Variants in ENTPD5 observed in about 807,000 individuals in gnomAD.
ENTPD5 encodes the protein ectonucleoside triphosphate diphosphohydrolase 5 (inactive).
In ENTPD5, 49 loss-of-function variants were observed where a neutral mutation model predicts 60.2. That is an observed-to-expected ratio of 0.81 (90% CI 0.65 to 1.03). ENTPD5 has a LOEUF of 1.03. Among genes scored for constraint, ENTPD5 ranks in the 50% least tolerant of loss-of-function variants. The pLI is 0.00. For missense variants in ENTPD5, 480 were observed against 507.6 expected, an observed-to-expected ratio of 0.95 and a Z score of 0.52; for synonymous variants, 187 against 185.4, an observed-to-expected ratio of 1.01 and a Z score of -0.07.
At chr14:74,017,396 A>G (rs1161422771) in intron 1 of ENTPD5, among the ~76,000 whole-genome samples, 1 of 151,524 alleles carries the variant, frequency 6.6e-6, no homozygotes, top group African/African-American at 2.4e-5. Context: ...CCTGACCAAC[A>G]TGGAGAAACC....
At position 73,971,904 on chromosome 14, in the gene ENTPD5, A is replaced by C. The variant is rs1399869081; in HGVS notation, c.1032T>G (p.Tyr344Ter). The change falls in exon 14 of 16, where the codon TAT (tyrosine) becomes TAG (stop). Residue 344 changes from tyrosine to a stop codon, truncating the protein, a stop_gained. Coordinates refer to ENST00000334696, the MANE Select transcript of ENTPD5 (RefSeq NM_001249.5). LOFTEE classifies it high-confidence loss of function. ...CAACTTTTAAAATACCCCCCTTTTC[A>C]TAATCTGAAATAAAACAGAAGATTA... Reference protein sequence around the residue: ...DRAVDTDMIDYEKGGILKVED... With the variant: ...DRAVDTDMID 1 of 1,571,550 alleles carries C rather than the reference A, an allele frequency of 6.4e-7. No individual in the cohort carries two copies. Among genetic ancestry groups the C allele is most frequent in the East Asian group, 2.2e-5 (1 of 44,684 alleles).
At chr14:74,004,319 C>A (rs2058604207) in intron 3 of ENTPD5, among the ~76,000 whole-genome samples, 1 of 152,030 alleles carries the variant, frequency 6.6e-6, no homozygotes, top group African/African-American at 2.4e-5. Context: ...AGGCACCCCC[C>A]ACCACACCCG....
chr14:73,995,350 T>TA (rs1367055376), intron 3 of ENTPD5, among the ~76,000 whole-genome samples: 6 of 152,140 alleles, frequency 3.9e-5, no homozygotes, highest in Admixed American at 3.9e-4. Context: ...GGCTGGCCCG[T>TA]AAGCAGGAAT....
intron 3 of ENTPD5, among the ~76,000 whole-genome samples, chr14:74,002,230 A>T (rs968274473): frequency 2.0e-5 from 3 of 152,150 alleles, no homozygotes; most frequent in Admixed American, 2.0e-4. Context: ...TCAAACCCAG[A>T]TGGTTTAATT....
intron 3 of ENTPD5, among the ~76,000 whole-genome samples, chr14:73,992,209 T>C (rs1242157319): frequency 6.6e-6 from 1 of 152,144 alleles, no homozygotes; most frequent in East Asian, 1.9e-4. Flanking sequence ...ATGTAAGTCA[T>C]AGTTTACTGG....
downstream of ENTPD5, chr14:73,959,181 C>G (rs1408302982): frequency 1.2e-6 from 2 of 1,614,232 alleles, no homozygotes. Flanking sequence ...AACAACGTAG[C>G]CTGGCAGAGA....
At chr14:73,962,007 G>C, downstream of ENTPD5, 1 of 1,351,488 alleles carries the variant, frequency 7.4e-7, no homozygotes, top group Non-Finnish European at 1.0e-6. Flanking sequence ...GAGTGCAGTG[G>C]CACAATTTCC....
chr14:73,969,715 T>TAATAAATAAATA lies in ENTPD5; in HGVS notation c.1200+283_1200+294dup, dbSNP rs3081896. Among the ~76,000 whole-genome samples, 995 of 148,914 alleles carry TAATAAATAAATA rather than the reference T, an allele frequency of 6.7e-3. 4 individuals carry two copies. Among genetic ancestry groups the TAATAAATAAATA allele is most frequent in the Non-Finnish European group, 9.6e-3 (645 of 67,252 alleles). On this transcript the variant is annotated intron_variant, in intron 15 of 15. Coordinates refer to ENST00000334696, the MANE Select transcript of ENTPD5 (RefSeq NM_001249.5). ...GCGAGACTCCATCTCAAAAAAATAA[T>TAATAAATAAATA]AATAAATAAATAAATAAATAAATAA...
At chr14:73,994,536 C>A (rs553885068) in intron 3 of ENTPD5, among the ~76,000 whole-genome samples, 1 of 151,846 alleles carries the variant, frequency 6.6e-6, no homozygotes, top group African/African-American at 2.4e-5. Context: ...AGTTCGAAAC[C>A]AGACTGGTCA....
chr14:73,986,479 T>C (rs2057906970), intron 5 of ENTPD5: 2 of 238,956 alleles, frequency 8.4e-6, no homozygotes, highest in African/African-American at 4.5e-5. Flanking sequence ...CATCATACCC[T>C]ACAGAACTTC....
intron 11 of ENTPD5, 104 bp from the exon 12 acceptor site, chr14:73,974,082 G>A (rs1261977124): frequency 4.6e-6 from 4 of 861,636 alleles, no homozygotes; most frequent in African/African-American, 1.7e-5. Flanking sequence ...TGGGGGCTGG[G>A]CCTTAAAATC....
chr14:73,958,444 T>A, downstream of ENTPD5: 2 of 1,487,070 alleles, frequency 1.3e-6, no homozygotes, highest in Non-Finnish European at 9.0e-7. Flanking sequence ...GGTCTCATCG[T>A]AAATCCTGTA....
downstream of ENTPD5, chr14:73,959,156 T>A: frequency 6.2e-7 from 1 of 1,614,176 alleles, no homozygotes; most frequent in Non-Finnish European, 8.5e-7. Flanking sequence ...CTCCTCTCTG[T>A]TGCAGGCCAC....
At chr14:73,962,889 C>A, downstream of ENTPD5, 1 of 1,168,986 alleles carries the variant, frequency 8.6e-7, no homozygotes, top group Non-Finnish European at 1.3e-6. Context: ...GGGAAGAATA[C>A]CTACGTGATT....
intron 9 of ENTPD5, among the ~76,000 whole-genome samples, 154 bp downstream of exon 9, chr14:73,976,170 G>A (rs2057435644): frequency 6.6e-6 from 1 of 152,228 alleles, no homozygotes; most frequent in Non-Finnish European, 1.5e-5. Flanking sequence ...ATTCTGAACA[G>A]TGAGATGGCA....
intron 5 of ENTPD5, chr14:73,986,241 T>C (rs2057899919): frequency 6.6e-6 from 1 of 152,388 alleles, no homozygotes; most frequent in South Asian, 2.1e-4. Context: ...TTCTGCATTA[T>C]TCTATTTTAT....
Position 73,968,765 on chromosome 14 carries a change from A to G in ENTPD5, c.1200+1245T>C, listed in dbSNP as rs537181818. Among the ~76,000 whole-genome samples, 6 of 152,244 alleles carry G rather than the reference A, an allele frequency of 3.9e-5. No homozygotes were observed. The East Asian group carries it at 1.2e-3, about 29-fold the overall frequency. ...CTACATAAGTTTTTGTTGGATAAAG[A>G]TGCTACCACCACCAAAAAAGTCTAT... On this transcript the variant is annotated intron_variant, in intron 15 of 15. Transcript: ENST00000334696.
intron 6 of ENTPD5, among the ~76,000 whole-genome samples, chr14:73,978,601 CAAACAAAACA>C (rs113384416): frequency 1.3e-5 from 2 of 148,860 alleles, no homozygotes; most frequent in African/African-American, 5.0e-5. Context: ...GACTCTGTCT[CAAACAAAACA>C]AAACAAAACA....
intron 3 of ENTPD5, among the ~76,000 whole-genome samples, chr14:74,009,954 G>C (rs1334580755): frequency 6.6e-6 from 1 of 152,020 alleles, no homozygotes; most frequent in African/African-American, 2.4e-5. Context: ...ACCACGCCCA[G>C]CTAATTTTTT....
Sources: allele counts gnomAD v4.1 joint callset (sites outside exome capture counted in the v4.1 genomes callset), GRCh38; gene constraint gnomAD v4.1.1; transcripts MANE v1.5; gene names NCBI Gene and HGNC (gene_info 2026-07-23, HGNC 2026-07-21).